The following EGF variants were observed in gnomAD, a reference collection of about 807,000 sequenced individuals.
EGF encodes epidermal growth factor.
A neutral mutation model predicts 143.8 loss-of-function variants in EGF; 95 were observed. That is an observed-to-expected ratio of 0.66 (90% CI 0.56 to 0.78). The LOEUF (loss-of-function observed/expected upper bound fraction) is 0.78. EGF is among the 30% of genes least tolerant of loss of function. EGF has a pLI of 0.00. For missense variants in EGF, 1,320 were observed against 1,470.9 expected (o/e 0.90, Z 1.68); for synonymous variants, 510 against 510.5 (o/e 1.00, Z 0.01).
intron 22 of EGF, among the ~76,000 whole-genome samples, chr4:110,005,808 A>T (rs1234147777): frequency 6.6e-6 from 1 of 152,184 alleles, no homozygotes; most frequent in Admixed American, 6.5e-5. Flanking sequence ...TCCATGGAGG[A>T]TTGAATCCTT....
chr4:109,998,894 G>A (rs1317089297), intron 20 of EGF, among the ~76,000 whole-genome samples: 1 of 152,206 alleles, frequency 6.6e-6, no homozygotes, highest in Admixed American at 6.5e-5. Flanking sequence ...TGATGCTTTT[G>A]CAAAGGATAA....
Position 109,961,037 on chromosome 4 carries a change from A to G in EGF, c.1189+48A>G, listed in dbSNP as rs1421851242. 3.1e-6 allele frequency: 5 copies of G among 1,607,644 alleles called. No individual in the cohort carries two copies. In the Admixed American group the frequency reaches 5.0e-5, roughly 16 times the overall value. On this transcript the variant is annotated intron_variant, in intron 7 of 23. Transcript: ENST00000265171. ...TATTGCATTAGTTTTCTTCATTTTC[A>G]ATATGTTTCTAAGGTGGCTATGATC...
chr4:109,964,417 G>T lies in EGF; in HGVS notation c.1455G>T (p.Leu485Phe), dbSNP rs766984407. 6.2e-7 allele frequency: 1 copy of T among 1,613,890 alleles called. No individual in the cohort carries two copies. Among genetic ancestry groups the T allele is most frequent in the African/African-American group, 1.3e-5 (1 of 75,018 alleles). The change falls in exon 10 of 24, where the codon TTG becomes TTT. Residue 485 changes from leucine (L) to phenylalanine (F), a missense_variant. This residue lies in a region of EGF where 1,186 missense variants were observed against 1,313.7 expected (regional missense o/e 0.90). Coordinates refer to ENST00000265171, the MANE Select transcript of EGF (RefSeq NM_001963.6). ...SCAASGPQPF[L>F]LFANSQDIRH... ...GGTTAACAGGACCACAACCATTTTTGCTGTTTGCCAATTCTCAAGATATTC... is the reference window on the plus strand; with the variant it reads ...GGTTAACAGGACCACAACCATTTTTTCTGTTTGCCAATTCTCAAGATATTC...
intron 11 of EGF, among the ~76,000 whole-genome samples, chr4:109,970,127 C>A (rs1747328987): frequency 6.6e-6 from 1 of 152,104 alleles, no homozygotes; most frequent in African/African-American, 2.4e-5. Context: ...ACTCTCAGAG[C>A]TGCAGGAAGG....
chr4:110,003,236 C>T (rs1752806678), intron 21 of EGF, among the ~76,000 whole-genome samples: 1 of 152,168 alleles, frequency 6.6e-6, no homozygotes, highest in South Asian at 2.1e-4. Flanking sequence ...TGAAGCATCA[C>T]CGTACCGCTT....
chr4:109,968,559 A>C (rs1306226676), intron 10 of EGF, among the ~76,000 whole-genome samples: 1 of 152,178 alleles, frequency 6.6e-6, no homozygotes, highest in African/African-American at 2.4e-5. Context: ...TGCCAGATAC[A>C]TGGCTAAGGA....
In EGF at chr4:109,913,344, C is replaced by T; in HGVS notation, c.9C>T (p.Leu3=). ML[L]TLIILLPVVS... ...TCAAACTCATCAAGATTATGCTGCT[C>T]ACTCTTATCATTCTGTTGCCAGTAG... Residue 3 remains leucine, a synonymous_variant, in exon 1 of 24, where the codon CTC becomes CTT. Transcript: ENST00000265171. 6.2e-7 allele frequency: 1 copy of T among 1,613,854 alleles called. No individual in the cohort carries two copies. The highest frequency in any genetic ancestry group is 8.5e-7 in the Non-Finnish European group (1 of 1,179,852).
At chr4:109,951,371 C>A (rs954767372) in intron 5 of EGF, among the ~76,000 whole-genome samples, 10 of 151,358 alleles carry the variant, frequency 6.6e-5, no homozygotes, top group African/African-American at 1.5e-4. Context: ...CCCCACCCCC[C>A]ACAAAAAAAC....
chr4:109,934,998 T>G (rs1208364429), intron 1 of EGF, among the ~76,000 whole-genome samples: 5 of 152,218 alleles, frequency 3.3e-5, no homozygotes, highest in Non-Finnish European at 5.9e-5. Flanking sequence ...GGTAGTGTGA[T>G]GCCTCCAGCT....
At chr4:109,986,376 G>T (rs1403675528) in intron 16 of EGF, among the ~76,000 whole-genome samples, 1 of 152,276 alleles carries the variant, frequency 6.6e-6, no homozygotes, top group East Asian at 1.9e-4. Context: ...TGAATTAAAT[G>T]GATAATTGAT....
intron 21 of EGF, chr4:110,002,065 T>C: frequency 1.0e-6 from 1 of 983,858 alleles, no homozygotes; most frequent in Non-Finnish European, 1.2e-6. Context: ...GCTCTAACAT[T>C]GAGTTTTTAA....
intron 21 of EGF, among the ~76,000 whole-genome samples, chr4:110,000,250 C>CA (rs754279332): frequency 0.096 from 8,941 of 93,612 alleles, 1,094 homozygotes; most frequent in African/African-American, 0.29. Context: ...GACTCCGTGT[C>CA]AAAAAAAAAA....
At chr4:109,935,850 T>C (rs1296204637) in intron 1 of EGF, among the ~76,000 whole-genome samples, 1 of 152,228 alleles carries the variant, frequency 6.6e-6, no homozygotes, top group African/African-American at 2.4e-5. Context: ...ATTATGTTTA[T>C]TGATTTGCGT....
intron 5 of EGF, among the ~76,000 whole-genome samples, chr4:109,948,210 G>A (rs1208321029): frequency 9.2e-5 from 14 of 152,248 alleles, no homozygotes. Flanking sequence ...CTGGAAGACA[G>A]TTGGCATTGG....
At chr4:109,922,479 A>G (rs898334480) in intron 1 of EGF, among the ~76,000 whole-genome samples, 2 of 151,738 alleles carry the variant, frequency 1.3e-5, no homozygotes, top group Admixed American at 6.5e-5. Context: ...CCTCTTTAAC[A>G]TGAGCTATGT....
chr4:109,992,994 A>G (rs530923506), intron 18 of EGF, among the ~76,000 whole-genome samples: 24 of 149,176 alleles, frequency 1.6e-4, no homozygotes, highest in South Asian at 4.2e-4. Flanking sequence ...TACACCTAAA[A>G]TAAATGACGA....
At chr4:109,959,226 A>G in intron 5 of EGF, 86 bp from the exon 6 acceptor site, 1 of 1,591,054 alleles carries the variant, frequency 6.3e-7, no homozygotes. Context: ...GTAGGGAGGT[A>G]AGACCTCTTA....
chr4:109,970,824 C>CAAAAAATAA (rs1747515320), intron 11 of EGF, among the ~76,000 whole-genome samples: 1 of 72,974 alleles, frequency 1.4e-5, no homozygotes, highest in African/African-American at 5.5e-5. Flanking sequence ...GACTCCGTCT[C>CAAAAAATAA]AAAAAAAAAA....
chr4:109,918,840 C>G (rs2125928090), intron 1 of EGF, among the ~76,000 whole-genome samples: 1 of 152,314 alleles, frequency 6.6e-6, no homozygotes, highest in East Asian at 1.9e-4. Context: ...CATTCCTGTT[C>G]CTAAAAGTGA....
Sources: gnomAD v4.1 joint callset for allele counts (sites outside exome capture counted in the v4.1 genomes callset) on GRCh38, gnomAD v4.1.1 for gene constraint, gnomAD v4.1.1 regional missense constraint, MANE v1.5 for transcripts, NCBI Gene and HGNC (gene_info 2026-07-23, HGNC 2026-07-21) for gene names.